Variants in PATJ observed in about 807,000 individuals in gnomAD.
The protein encoded by PATJ is PATJ crumbs cell polarity complex component, also known as inaD-like protein.
A neutral mutation model predicts 224.9 loss-of-function variants in PATJ; 190 were observed. The observed-to-expected ratio is 0.84, with a 90% CI of 0.75 to 0.95. The LOEUF (loss-of-function observed/expected upper bound fraction) is 0.95. PATJ is among the 40% of genes least tolerant of loss of function. The probability of loss-of-function intolerance (pLI) is 0.00; values close to 1 mark genes in which losing one functional copy is unlikely to be tolerated. For missense variants in PATJ, 2,121 were observed against 2,270.3 expected (o/e 0.93, Z 1.34); for synonymous variants, 769 against 820.3 (o/e 0.94, Z 1.07).
At position 61,775,292 on chromosome 1, in the gene PATJ, C is replaced by T. The variant is rs772692887; in HGVS notation, c.807C>T (p.Gly269=). 3.8e-5 allele frequency: 61 copies of T among 1,613,590 alleles called. No individual in the cohort carries two copies. The highest frequency in any genetic ancestry group is 4.7e-5 in the Non-Finnish European group (56 of 1,179,792). ...GAATAGTTGGAGGAAAAACAAGTGGCGTGGTTGTGAGGACTATAGTTCCTG... is the reference window on the plus strand; with the variant it reads ...GAATAGTTGGAGGAAAAACAAGTGGTGTGGTTGTGAGGACTATAGTTCCTG... ...GFGIVGGKTS[G]VVVRTIVPGG... Residue 269 remains glycine (G), a synonymous_variant, in exon 7 of 44, where the codon GGC becomes GGT. Coordinates refer to ENST00000642238, the MANE Select transcript of PATJ (RefSeq NM_001350145.3).
intron 18 of PATJ, among the ~76,000 whole-genome samples, chr1:61,858,560 C>T (rs1664067911): frequency 6.6e-6 from 1 of 152,170 alleles, no homozygotes; most frequent in African/African-American, 2.4e-5. Flanking sequence ...CCACAGCTGG[C>T]CATGCCACAC....
intron 16 of PATJ, among the ~76,000 whole-genome samples, chr1:61,832,318 C>T (rs1396061210): frequency 1.3e-5 from 2 of 151,912 alleles, no homozygotes; most frequent in African/African-American, 4.8e-5. Flanking sequence ...ACCCCCTGAA[C>T]CTAAAATAAA....
rs757437604 is a variant in PATJ at position 62,108,484 on chromosome 1, A to T, written c.4425A>T (p.Arg1475Ser). The T allele has an allele frequency of 1.2e-6, 2 of 1,610,500 alleles. No individual in the cohort carries two copies. Among genetic ancestry groups the T allele is most frequent in the East Asian group, 4.5e-5 (2 of 44,816 alleles). ...HEVYEEGAAA[R>S]DGRLWAGDQI... The stretch of plus-strand genomic sequence containing the variant: ...TCTATGAAGAAGGGGCAGCAGCCAG[A>T]GATGGAAGACTTTGGGCTGGTGACC... The change falls in exon 34 of 44, where the codon AGA becomes AGT. Residue 1475 changes from arginine to serine, a missense_variant. Transcript: ENST00000642238.
intron 43 of PATJ, among the ~76,000 whole-genome samples, chr1:62,158,944 C>A (rs546226381): frequency 6.6e-6 from 1 of 151,920 alleles, no homozygotes; most frequent in Non-Finnish European, 1.5e-5. Context: ...AGTGAAACTC[C>A]TTCTCAAAAA....
At chr1:61,838,640 G>T (rs994904865) in intron 17 of PATJ, among the ~76,000 whole-genome samples, 1 of 151,450 alleles carries the variant, frequency 6.6e-6, no homozygotes, top group Non-Finnish European at 1.5e-5. Flanking sequence ...AAAGTGCTGG[G>T]ATTACAGGCG....
At chr1:61,958,237 A>T (rs1448140722) in intron 27 of PATJ, among the ~76,000 whole-genome samples, 2 of 151,996 alleles carry the variant, frequency 1.3e-5, no homozygotes, top group Non-Finnish European at 2.9e-5. Flanking sequence ...CCAGTTGTAT[A>T]CTCATTATTT....
chr1:61,781,336 TCTC>T (rs1188193650), intron 7 of PATJ, among the ~76,000 whole-genome samples: 4 of 152,122 alleles, frequency 2.6e-5, no homozygotes, highest in Non-Finnish European at 4.4e-5. Context: ...ACTATTCACT[TCTC>T]CTTTCCTCTC....
At chr1:61,833,615 C>T (rs200634709) in intron 16 of PATJ, 39 bp from the exon 17 acceptor site, 2 of 1,574,478 alleles carry the variant, frequency 1.3e-6, no homozygotes, top group African/African-American at 2.7e-5. Flanking sequence ...GAATTGAAAG[C>T]ATAGTGTTTT....
intron 30 of PATJ, among the ~76,000 whole-genome samples, chr1:62,042,137 T>G (rs1295915534): frequency 2.0e-5 from 3 of 152,250 alleles, no homozygotes; most frequent in Admixed American, 6.5e-5. Flanking sequence ...TTATTTGTAT[T>G]TCATTTTCAA....
chr1:62,114,344 G>A, intron 35 of PATJ, 98 bp downstream of exon 35: 2 of 1,048,274 alleles, frequency 1.9e-6, no homozygotes, highest in East Asian at 2.6e-5. Context: ...AGTAGTGATG[G>A]GATTTCTAAA....
intron 27 of PATJ, among the ~76,000 whole-genome samples, chr1:61,978,029 C>G (rs890945417): frequency 2.6e-5 from 4 of 151,542 alleles, no homozygotes; most frequent in Admixed American, 1.3e-4. Context: ...TGAAATAAAA[C>G]ATTACTAATA....
chr1:61,814,547 T>TGTGTGTGCGCGC (rs370488022), intron 14 of PATJ, among the ~76,000 whole-genome samples: 26 of 142,490 alleles, frequency 1.8e-4, no homozygotes, highest in African/African-American at 7.0e-4. Context: ...TGTGTGTGTG[T>TGTGTGTGCGCGC]GCGCGCGCGC....
At chr1:61,789,941 T>C (rs191501526) in intron 8 of PATJ, among the ~76,000 whole-genome samples, 48 of 152,334 alleles carry the variant, frequency 3.2e-4, no homozygotes, top group Admixed American at 3.0e-3. Flanking sequence ...CTTGATCCAA[T>C]CAATTATTTA....
intron 27 of PATJ, among the ~76,000 whole-genome samples, chr1:61,980,037 A>G (rs1644366264): frequency 6.6e-6 from 1 of 152,012 alleles, no homozygotes; most frequent in African/African-American, 2.4e-5. Flanking sequence ...AAGGGGTAGG[A>G]GGAGTGAGAG....
At chr1:61,940,032 C>G (rs551227838) in intron 27 of PATJ, among the ~76,000 whole-genome samples, 18 of 152,026 alleles carry the variant, frequency 1.2e-4, no homozygotes, top group African/African-American at 4.3e-4. Context: ...GAGTCATTGT[C>G]CATGTAAATA....
At chr1:61,935,212 T>C (rs1676663923) in intron 27 of PATJ, among the ~76,000 whole-genome samples, 1 of 152,206 alleles carries the variant, frequency 6.6e-6, no homozygotes, top group Non-Finnish European at 1.5e-5. Flanking sequence ...TGTCTCTGTC[T>C]ATGCAGATAA....
intron 31 of PATJ, among the ~76,000 whole-genome samples, chr1:62,076,336 G>A (rs1008443339): frequency 4.8e-5 from 7 of 145,442 alleles, no homozygotes; most frequent in South Asian, 2.2e-4. Context: ...TAAAAGCTCC[G>A]TAGGTGTTCC....
intron 7 of PATJ, among the ~76,000 whole-genome samples, chr1:61,777,400 A>C (rs562083560): frequency 6.6e-6 from 1 of 152,232 alleles, no homozygotes; most frequent in East Asian, 1.9e-4. Flanking sequence ...CCCTGTCTCT[A>C]CAAAAGACAC....
chr1:62,127,846 A>C (rs1159556539), intron 39 of PATJ, 126 bp from the exon 40 acceptor site: 17 of 842,382 alleles, frequency 2.0e-5, no homozygotes, highest in Non-Finnish European at 2.9e-5. Flanking sequence ...TTCCACATTT[A>C]ACTCCTATGT....
Sources: allele counts gnomAD v4.1 joint callset (sites outside exome capture counted in the v4.1 genomes callset), GRCh38; gene constraint gnomAD v4.1.1; transcripts MANE v1.5; gene names NCBI Gene and HGNC (gene_info 2026-07-23, HGNC 2026-07-21).